The following CDS2 variants were observed in gnomAD, a reference collection of about 807,000 sequenced individuals.
CDS2 encodes phosphatidate cytidylyltransferase 2.
In CDS2, 47 loss-of-function variants were observed where a neutral mutation model predicts 59.0. The observed-to-expected ratio is 0.80, with a 90% CI of 0.63 to 1.02. The LOEUF is 1.02. Among genes scored for constraint, CDS2 ranks in the 50% least tolerant of loss-of-function variants. The pLI is 0.00. For synonymous variants in CDS2, 207 were observed against 206.4 expected (o/e 1.00, Z -0.02); for missense variants, 356 against 558.9 (o/e 0.64, Z 3.66).
chr20:5,132,141 A>G (rs2090612745), intron 1 of CDS2, among the ~76,000 whole-genome samples: 1 of 151,158 alleles, frequency 6.6e-6, no homozygotes, highest in Non-Finnish European at 1.5e-5. Context: ...TGTGCCACCC[A>G]GGCTAGAGTG....
intron 1 of CDS2, among the ~76,000 whole-genome samples, chr20:5,140,085 A>T (rs1159421209): frequency 2.6e-5 from 4 of 152,232 alleles, no homozygotes; most frequent in Non-Finnish European, 4.4e-5. Flanking sequence ...TACAGGCGTG[A>T]ACCGCTGCAC....
intron 1 of CDS2, among the ~76,000 whole-genome samples, chr20:5,164,528 A>G (rs1362988237): frequency 6.6e-6 from 1 of 151,992 alleles, no homozygotes; most frequent in African/African-American, 2.4e-5. Flanking sequence ...ACTTGAGCCC[A>G]GTTTTGAGAT....
In CDS2 at chr20:5,192,646, A is replaced by C. The variant is rs1453759718; in HGVS notation, c.*2412A>C. 6.6e-6 allele frequency: 1 copy of C among 152,194 alleles called. No homozygotes were observed. The highest frequency in any genetic ancestry group is 1.9e-4 in the East Asian group (1 of 5,200). 9.4% of individuals were successfully genotyped at this position (152,194 alleles called of 1,614,324 possible). A position where few individuals can be genotyped will look rare whatever the true frequency, so the allele number is the denominator to read the frequency against. On this transcript the variant is annotated 3_prime_UTR_variant, in exon 13 of 13. Coordinates refer to ENST00000460006, the MANE Select transcript of CDS2 (RefSeq NM_003818.4). ...CATTTTTTTTTTATTGGTCAGAAAT[A>C]AAATGTGACTGCAACTGTGTGCCCT...
At chr20:5,188,383 G>A (rs974726968) in intron 10 of CDS2, among the ~76,000 whole-genome samples, 11 of 152,148 alleles carry the variant, frequency 7.2e-5, no homozygotes, top group East Asian at 3.8e-4. Context: ...CTGAGGCTAC[G>A]ACTAAAATAC....
chr20:5,152,743 TCACACACA>T (rs982425211), intron 1 of CDS2, among the ~76,000 whole-genome samples: 2 of 152,138 alleles, frequency 1.3e-5, no homozygotes, highest in African/African-American at 4.8e-5. Context: ...ACTCTGTCTC[TCACACACA>T]CGCACACACA....
chr20:5,134,080 T>C (rs77118827), intron 1 of CDS2, among the ~76,000 whole-genome samples: 2,452 of 152,276 alleles, frequency 0.016, 61 homozygotes, highest in African/African-American at 0.055. Context: ...GAAAGTTGAT[T>C]AGTTTCAGTT....
At chr20:5,132,671 C>T (rs186756610) in intron 1 of CDS2, among the ~76,000 whole-genome samples, 61 of 151,906 alleles carry the variant, frequency 4.0e-4, no homozygotes, top group African/African-American at 1.3e-3. Context: ...AACTATGATT[C>T]CCAGGCTTAA....
At position 5,184,900 on chromosome 20, in the gene CDS2, G is replaced by T. The variant is rs769231474; in HGVS notation, c.714G>T (p.Met238Ile). Residue 238 changes from methionine (M) to isoleucine (I), a missense_variant, in exon 8 of 13, where the codon ATG becomes ATT. Physicochemically the swap from Met to Ile is conservative, Grantham distance 10. Transcript: ENST00000460006. This position sits in a 1 kb window ranked among gnomAD's most constrained non-coding sequence, Gnocchi z 4.3. ...PISCVICNDI[M>I]AYMFGFFFGR... ...CTTGTGTGATCTGTAATGACATCATGGCCTATATGTTTGGCTTTTTCTTTG... is the reference window on the plus strand; with the variant it reads ...CTTGTGTGATCTGTAATGACATCATTGCCTATATGTTTGGCTTTTTCTTTG... The T allele has an allele frequency of 6.2e-7, 1 of 1,613,856 alleles. No individual in the cohort carries two copies. The highest frequency in any genetic ancestry group is 8.5e-7 in the Non-Finnish European group (1 of 1,179,930).
chr20:5,176,551 A>T, intron 3 of CDS2, 97 bp from the exon 4 acceptor site: 1 of 902,760 alleles, frequency 1.1e-6, no homozygotes, highest in Non-Finnish European at 1.9e-6. Flanking sequence ...TATTTTTCTT[A>T]AGTATAATGG....
At chr20:5,142,361 C>T (rs1404863406) in intron 1 of CDS2, among the ~76,000 whole-genome samples, 3 of 151,962 alleles carry the variant, frequency 2.0e-5, no homozygotes, top group African/African-American at 2.4e-5. Context: ...GCAGGATAAT[C>T]GCTTGAACCC....
At chr20:5,154,303 C>G (rs962514969) in intron 1 of CDS2, among the ~76,000 whole-genome samples, 3 of 152,136 alleles carry the variant, frequency 2.0e-5, no homozygotes, top group Non-Finnish European at 4.4e-5. Flanking sequence ...AGTTCACAGC[C>G]GAGGCTTTCA....
chr20:5,189,036 C>G, intron 10 of CDS2, 31 bp from the exon 11 acceptor site: 1 of 1,613,618 alleles, frequency 6.2e-7, no homozygotes, highest in Non-Finnish European at 8.5e-7. Context: ...CATGTATGCA[C>G]CTAAACTTTT....
Position 5,183,084 on chromosome 20 carries a change from G to A in CDS2, c.612G>A (p.Leu204=), listed in dbSNP as rs763508609. Residue 204 remains leucine, a synonymous_variant, in exon 7 of 13, where the codon TTG becomes TTA. Coordinates refer to ENST00000460006, the MANE Select transcript of CDS2 (RefSeq NM_003818.4). ...AGTTTGGCTGGACCCATGTGACATTGCTGATTGTTGTAACACAGTCACATC... is the reference window on the plus strand; with the variant it reads ...AGTTTGGCTGGACCCATGTGACATTACTGATTGTTGTAACACAGTCACATC... ...FYMFGWTHVT[L]LIVVTQSHLV... is the part of the protein sequence containing the mutation. The A allele has an allele frequency of 1.9e-6, 3 of 1,614,020 alleles. No individual in the cohort carries two copies. Among genetic ancestry groups the A allele is most frequent in the Non-Finnish European group, 2.5e-6 (3 of 1,179,936 alleles).
Position 5,134,625 on chromosome 20 carries a change from A to T in CDS2, c.57+7476A>T, listed in dbSNP as rs2090633754. ...AACCTCTGCCTCCCGAGTTCAAGTGATTCTCCTGCCTCAGCCTCCCGAGTA... is the reference window on the plus strand; with the variant it reads ...AACCTCTGCCTCCCGAGTTCAAGTGTTTCTCCTGCCTCAGCCTCCCGAGTA... On this transcript the variant is annotated intron_variant, in intron 1 of 12. Transcript: ENST00000460006. 1.3e-5 allele frequency among the ~76,000 whole-genome samples: 2 copies of T among 152,008 alleles called. 1 individual carries two copies. Among genetic ancestry groups the T allele is most frequent in the South Asian group, 4.2e-4 (2 of 4,816 alleles).
At chr20:5,170,134 T>C (rs2090944648) in intron 1 of CDS2, among the ~76,000 whole-genome samples, 2 of 152,118 alleles carry the variant, frequency 1.3e-5, no homozygotes, top group South Asian at 2.1e-4. Context: ...GACCAGAGGA[T>C]GGAGGCCTGT....
At chr20:5,152,242 G>A (rs2090798638) in intron 1 of CDS2, among the ~76,000 whole-genome samples, 1 of 151,954 alleles carries the variant, frequency 6.6e-6, no homozygotes, top group Non-Finnish European at 1.5e-5. Flanking sequence ...GCACTGAACT[G>A]CAACTCATTC....
At chr20:5,143,414 A>G (rs2122974120) in intron 1 of CDS2, among the ~76,000 whole-genome samples, 1 of 152,296 alleles carries the variant, frequency 6.6e-6, no homozygotes, top group East Asian at 1.9e-4. Flanking sequence ...AGACTTTGTG[A>G]CCAAGCAGTT....
In CDS2 at chr20:5,135,701, C is replaced by A. The variant is rs114104796; in HGVS notation, c.57+8552C>A. On this transcript the variant is annotated intron_variant, in intron 1 of 12. Transcript: ENST00000460006. Reference sequence around the variant, plus strand: ...TGATATTTGTTCTCATGTTGTTTGCCCCAACAGTAGGGATGGCATTGAGCC... The same window carrying A: ...TGATATTTGTTCTCATGTTGTTTGCACCAACAGTAGGGATGGCATTGAGCC... Among the ~76,000 whole-genome samples, 426 of 152,222 alleles carry A rather than the reference C, an allele frequency of 2.8e-3. 1 individual carries two copies. The highest frequency in any genetic ancestry group is 9.8e-3 in the African/African-American group (406 of 41,530).
intron 10 of CDS2, chr20:5,187,231 G>A (rs1291190221): frequency 4.7e-6 from 1 of 213,474 alleles, no homozygotes; most frequent in Non-Finnish European, 9.8e-6. Flanking sequence ...CGTTAAGGCA[G>A]TGGGTTCCTC....
Sources: gnomAD v4.1 joint callset for allele counts (sites outside exome capture counted in the v4.1 genomes callset) on GRCh38, gnomAD v4.1.1 for gene constraint, Gnocchi (gnomAD v3.1) non-coding constraint, MANE v1.5 for transcripts, NCBI Gene and HGNC (gene_info 2026-07-23, HGNC 2026-07-21) for gene names.